CHL1: variants seen among roughly 807,000 people sequenced by gnomAD.
CHL1 encodes neural cell adhesion molecule L1-like protein.
CHL1 carries 96 observed loss-of-function variants against 141.9 expected under a neutral mutation model. The observed-to-expected ratio is 0.68, with a 90% CI of 0.57 to 0.80. The LOEUF is 0.80. Among genes scored for constraint, CHL1 ranks in the 30% least tolerant of loss-of-function variants. The pLI is 0.00. For synonymous variants in CHL1, 613 were observed against 502.2 expected, an observed-to-expected ratio of 1.22 and a Z score of -2.95; for missense variants, 1,820 against 1,457.2, an observed-to-expected ratio of 1.25 and a Z score of -4.05.
chr3:311,786 G>A (rs1699772973), intron 2 of CHL1, among the ~76,000 whole-genome samples: 1 of 152,132 alleles, frequency 6.6e-6, no homozygotes. Flanking sequence ...TAAGTTTTGT[G>A]CATTTTAGTA....
At chr3:309,998 A>G (rs1048233196) in intron 2 of CHL1, among the ~76,000 whole-genome samples, 7 of 152,212 alleles carry the variant, frequency 4.6e-5, no homozygotes, top group African/African-American at 1.7e-4. Flanking sequence ...CTTTCAGCTT[A>G]CCTGGAAGTG....
At chr3:325,678 T>A (rs943616584) in intron 3 of CHL1, among the ~76,000 whole-genome samples, 1 of 152,048 alleles carries the variant, frequency 6.6e-6, no homozygotes, top group African/African-American at 2.4e-5. Flanking sequence ...TATTTTTAAA[T>A]TGTGATGACA....
chr3:301,909 C>T (rs1001005086), intron 2 of CHL1, among the ~76,000 whole-genome samples: 1 of 152,174 alleles, frequency 6.6e-6, no homozygotes, highest in African/African-American at 2.4e-5. Flanking sequence ...AGCACCGCAC[C>T]GCCAACAGGC....
rs1309671682 is a variant in CHL1 at position 337,481 on chromosome 3, A to AG, written c.386-3313_386-3312insG. Among the ~76,000 whole-genome samples, 87 of 151,930 alleles carry AG rather than the reference A, an allele frequency of 5.7e-4. 2 individuals carry two copies. The highest frequency in any genetic ancestry group is 1.1e-3 in the Non-Finnish European group (77 of 67,966). ...TGCTGCACCCATTAACTCATCATTTACATTAGGTATGTCTCCCAATGCTAT... is the reference window on the plus strand; with the variant it reads ...TGCTGCACCCATTAACTCATCATTTAGCATTAGGTATGTCTCCCAATGCTAT... On this transcript the variant is annotated intron_variant, in intron 5 of 27. Coordinates refer to ENST00000256509, the MANE Select transcript of CHL1 (RefSeq NM_006614.4).
chr3:239,427 G>C (rs752369320), intron 1 of CHL1, among the ~76,000 whole-genome samples: 1 of 152,012 alleles, frequency 6.6e-6, no homozygotes, highest in Non-Finnish European at 1.5e-5. Flanking sequence ...CTCTGCTGCA[G>C]CATCTCTTTT....
At chr3:292,570 T>A (rs958505332) in intron 2 of CHL1, among the ~76,000 whole-genome samples, 1 of 152,210 alleles carries the variant, frequency 6.6e-6, no homozygotes, top group Non-Finnish European at 1.5e-5. Context: ...AATTGCTATC[T>A]TATTCACAAG....
At chr3:380,304 A>G (rs752681254) in intron 16 of CHL1, among the ~76,000 whole-genome samples, 1 of 152,218 alleles carries the variant, frequency 6.6e-6, no homozygotes, top group African/African-American at 2.4e-5. Flanking sequence ...CTTTTTGTCA[A>G]TGTAAATTTC....
At chr3:280,588 G>T (rs1188202390) in intron 2 of CHL1, among the ~76,000 whole-genome samples, 1 of 152,130 alleles carries the variant, frequency 6.6e-6, no homozygotes, top group Non-Finnish European at 1.5e-5. Context: ...AGCAGGCCCT[G>T]AGAAAGACAA....
Position 378,008 on chromosome 3 carries a change from G to T in CHL1, c.1876+66G>T, listed in dbSNP as rs986955111. 55 of 1,402,898 alleles carry T rather than the reference G, an allele frequency of 3.9e-5. No individual in the cohort carries two copies. The Middle Eastern group carries it at 5.5e-4, about 14-fold the overall frequency. 86.9% of individuals were successfully genotyped at this position (1,402,898 alleles called of 1,614,324 possible). On this transcript the variant is annotated intron_variant, in intron 16 of 27. Coordinates refer to ENST00000256509, the MANE Select transcript of CHL1 (RefSeq NM_006614.4). ...TTTCTGATTAAATCCCATCGTTCCT[G>T]GCCAATAAAGCTAATGATTCTTTGA...
intron 2 of CHL1, among the ~76,000 whole-genome samples, chr3:275,122 C>G (rs114584435): frequency 2.0e-5 from 3 of 152,202 alleles, no homozygotes; most frequent in Non-Finnish European, 4.4e-5. Context: ...TAGGGATATT[C>G]TACCTATTTA....
At chr3:279,359 AG>A (rs1207433054) in intron 2 of CHL1, among the ~76,000 whole-genome samples, 2 of 151,850 alleles carry the variant, frequency 1.3e-5, no homozygotes, top group Non-Finnish European at 2.9e-5. Flanking sequence ...ATTTTAATCG[AG>A]GGGGGAGCTG....
chr3:319,174 T>A (rs1409861494), intron 2 of CHL1, among the ~76,000 whole-genome samples: 1 of 151,672 alleles, frequency 6.6e-6, no homozygotes, highest in East Asian at 1.9e-4. Context: ...AATAATAGAA[T>A]ATTATGGACA....
intron 9 of CHL1, among the ~76,000 whole-genome samples, chr3:345,870 T>C (rs1702729152): frequency 6.6e-6 from 1 of 152,196 alleles, no homozygotes; most frequent in South Asian, 2.1e-4. Flanking sequence ...TTAACTACTG[T>C]TAAGTACATG....
intron 1 of CHL1, among the ~76,000 whole-genome samples, chr3:202,208 G>A (rs1172109115): frequency 6.6e-6 from 1 of 152,090 alleles, no homozygotes; most frequent in Non-Finnish European, 1.5e-5. Context: ...ACATTGTATG[G>A]GGCAATCTAT....
At chr3:311,917 T>C (rs953299236) in intron 2 of CHL1, among the ~76,000 whole-genome samples, 8 of 152,216 alleles carry the variant, frequency 5.3e-5, no homozygotes, top group African/African-American at 2.4e-5. Context: ...TCCATCCCTG[T>C]AGTCAAATGA....
intron 4 of CHL1, among the ~76,000 whole-genome samples, chr3:327,441 A>T (rs1701102925): frequency 6.6e-6 from 1 of 151,806 alleles, no homozygotes; most frequent in Non-Finnish European, 1.5e-5. Context: ...TCTAGAATAT[A>T]ATTTTGCAAC....
In CHL1 at chr3:341,823, G is replaced by T; in HGVS notation, c.509-89G>T. ...AAAGAGCAAACAGGAAAAACCAAAT[G>T]AAATAATAATGTAAAAGAAAATGAA... On this transcript the variant is annotated intron_variant, in intron 6 of 27. Coordinates refer to ENST00000256509, the MANE Select transcript of CHL1 (RefSeq NM_006614.4). 4 of 1,126,094 alleles carry T rather than the reference G, an allele frequency of 3.6e-6. No individual in the cohort carries two copies. In the South Asian group the frequency reaches 6.6e-5, roughly 19 times the overall value. 69.8% of individuals were successfully genotyped at this position (1,126,094 alleles called of 1,614,324 possible). A position where few individuals can be genotyped will look rare whatever the true frequency, so the allele number is the denominator to read the frequency against.
At chr3:199,177 T>A (rs763489575) in intron 1 of CHL1, among the ~76,000 whole-genome samples, 37 of 152,218 alleles carry the variant, frequency 2.4e-4, no homozygotes, top group Non-Finnish European at 4.0e-4. Context: ...TGGATTTACC[T>A]TTAGTAATGG....
intron 1 of CHL1, among the ~76,000 whole-genome samples, chr3:229,717 C>G (rs114058420): frequency 6.6e-6 from 1 of 151,964 alleles, no homozygotes. Context: ...TCAGTGGAAT[C>G]TTTATAGCTG....
Sources: allele counts gnomAD v4.1 joint callset (sites outside exome capture counted in the v4.1 genomes callset), GRCh38; gene constraint gnomAD v4.1.1; transcripts MANE v1.5; gene names NCBI Gene and HGNC (gene_info 2026-07-23, HGNC 2026-07-21).